The following CLTCL1 variants were observed in gnomAD, a reference collection of about 807,000 sequenced individuals.
CLTCL1 encodes the protein clathrin heavy chain 2.
CLTCL1 carries 159 observed loss-of-function variants against 190.0 expected under a neutral mutation model. The ratio of observed to expected loss-of-function variants is 0.84; its 90% CI spans 0.74 to 0.95. The LOEUF (loss-of-function observed/expected upper bound fraction) is 0.95. Ranked by LOEUF, CLTCL1 falls within the 40% of genes least tolerant of loss-of-function variation. CLTCL1 has a pLI of 0.00. For missense variants in CLTCL1, 1,878 were observed against 2,033.4 expected, an observed-to-expected ratio of 0.92 and a Z score of 1.47; for synonymous variants, 752 against 769.6, an observed-to-expected ratio of 0.98 and a Z score of 0.38.
intron 21 of CLTCL1, 92 bp downstream of exon 21, chr22:19,208,830 G>A (rs989172245): frequency 1.1e-5 from 12 of 1,055,116 alleles, no homozygotes; most frequent in Admixed American, 2.7e-5. Context: ...TACATCATAC[G>A]TAGAGATTTG....
At chr22:19,273,677 TCA>T (rs1569248405) in intron 2 of CLTCL1, among the ~76,000 whole-genome samples, 1 of 152,188 alleles carries the variant, frequency 6.6e-6, no homozygotes, top group African/African-American at 2.4e-5. Context: ...AGCTTTAATC[TCA>T]CTCTAGTCTT....
At chr22:19,260,574 G>A (rs1393834082) in intron 2 of CLTCL1, among the ~76,000 whole-genome samples, 4 of 148,344 alleles carry the variant, frequency 2.7e-5, no homozygotes, top group South Asian at 2.1e-4. Context: ...TCAGGAGTTC[G>A]AGATCAGCCT....
rs566582609 is a variant in CLTCL1 at position 19,258,581 on chromosome 22, G to C, written c.251-4354C>G. 3 of 608,278 alleles carry C rather than the reference G, an allele frequency of 4.9e-6. No homozygotes were observed. In the African/African-American group the frequency reaches 5.5e-5, roughly 11 times the overall value. The allele number at this position is 608,278 out of a possible 1,614,324, so 37.7% of individuals were successfully genotyped here. A position where few individuals can be genotyped will look rare whatever the true frequency, so the allele number is the denominator to read the frequency against. On this transcript the variant is annotated intron_variant, in intron 2 of 32. Transcript: ENST00000427926. Reference sequence around the variant, plus strand: ...CGGAGCTGGCACAGACCTGGGCAGAGGGACAGCGCCAGGCCCAGGAGTACG... The same window carrying C: ...CGGAGCTGGCACAGACCTGGGCAGACGGACAGCGCCAGGCCCAGGAGTACG...
Position 19,238,966 on chromosome 22 carries a change from C to T in CLTCL1, c.795+309G>A, listed in dbSNP as rs1173381658. On this transcript the variant is annotated intron_variant, in intron 5 of 32. Coordinates refer to ENST00000427926, the MANE Select transcript of CLTCL1 (RefSeq NM_007098.4). ...CGTCACCTACATTAGGTATTTTATT[C>T]TTTAAATATTCTCATACCACAGTGA... Among the ~76,000 whole-genome samples the T allele has an allele frequency of 5.9e-5, 9 of 152,126 alleles. No homozygotes were observed. The East Asian group carries it at 1.5e-3, about 26-fold the overall frequency.
intron 2 of CLTCL1, among the ~76,000 whole-genome samples, chr22:19,271,350 TAGTG>T (rs554948901): frequency 2.6e-4 from 39 of 152,104 alleles, no homozygotes; most frequent in Non-Finnish European, 4.9e-4. Context: ...GTTCTGGTGA[TAGTG>T]AGTGAGTTCT....
At chr22:19,241,591 G>A (rs562803011) in intron 4 of CLTCL1, among the ~76,000 whole-genome samples, 3 of 152,314 alleles carry the variant, frequency 2.0e-5, no homozygotes, top group Admixed American at 6.5e-5. Flanking sequence ...ATATTTCGGG[G>A]CTAACGAACA....
At chr22:19,220,107 T>A (rs1398899728) in intron 17 of CLTCL1, 100 bp from the exon 18 acceptor site, 1 of 1,478,532 alleles carries the variant, frequency 6.8e-7, no homozygotes, top group African/African-American at 1.4e-5. Flanking sequence ...TGATACTGGT[T>A]TGGTGGACAG....
intron 7 of CLTCL1, 104 bp from the exon 8 acceptor site, chr22:19,233,726 C>G (rs572338023): frequency 4.0e-6 from 4 of 998,518 alleles, no homozygotes; most frequent in Non-Finnish European, 6.0e-6. Flanking sequence ...GGAAATTCCA[C>G]ACTGCTCTGT....
chr22:19,230,582 TG>T (rs1569200674), intron 10 of CLTCL1, among the ~76,000 whole-genome samples: 1 of 152,172 alleles, frequency 6.6e-6, no homozygotes, highest in Admixed American at 6.5e-5. Context: ...ACGTAATTTA[TG>T]GTCATTAATT....
intron 2 of CLTCL1, among the ~76,000 whole-genome samples, chr22:19,268,586 T>C (rs1192607499): frequency 6.6e-6 from 1 of 152,080 alleles, no homozygotes; most frequent in Non-Finnish European, 1.5e-5. Context: ...TTAATAATCA[T>C]ATTTAAAAAT....
Position 19,291,503 on chromosome 22 carries a change from G to A in CLTCL1, c.42+97C>T, listed in dbSNP as rs1041222070. 6 of 1,131,968 alleles carry A rather than the reference G, an allele frequency of 5.3e-6. No individual in the cohort carries two copies. The Admixed American group carries it at 2.2e-4, about 41-fold the overall frequency. The allele number at this position is 1,131,968 out of a possible 1,614,324, so 70.1% of individuals were successfully genotyped here. On this transcript the variant is annotated intron_variant, in intron 1 of 32. Transcript: ENST00000427926. ...GGAAATCGGCGCGGCCAGCTGGGCAGCGGCTCAGCGGGGCTGGGGGCGCGG... is the reference window on the plus strand; with the variant it reads ...GGAAATCGGCGCGGCCAGCTGGGCAACGGCTCAGCGGGGCTGGGGGCGCGG...
At chr22:19,286,928 C>T (rs1241133405) in intron 1 of CLTCL1, among the ~76,000 whole-genome samples, 1 of 152,224 alleles carries the variant, frequency 6.6e-6, no homozygotes, top group Non-Finnish European at 1.5e-5. Flanking sequence ...AAGGTCTCTA[C>T]ACCTGTTTCA....
intron 3 of CLTCL1, among the ~76,000 whole-genome samples, chr22:19,246,099 A>G (rs1555967807): frequency 6.6e-6 from 1 of 152,098 alleles, no homozygotes; most frequent in African/African-American, 2.4e-5. Context: ...TCCCTCTGTC[A>G]TTTAGGCTGG....
intron 1 of CLTCL1, among the ~76,000 whole-genome samples, chr22:19,278,163 C>G (rs1555984470): frequency 6.6e-6 from 1 of 152,316 alleles, no homozygotes; most frequent in Non-Finnish European, 1.5e-5. Flanking sequence ...CGACATCTAT[C>G]TACACATCAG....
At chr22:19,187,058 A>G (rs1270572284) in intron 29 of CLTCL1, among the ~76,000 whole-genome samples, 1 of 151,476 alleles carries the variant, frequency 6.6e-6, no homozygotes, top group Non-Finnish European at 1.5e-5. Flanking sequence ...CAGCCTCCCG[A>G]GTGGCTGGTA....
chr22:19,221,711 TCA>T, intron 16 of CLTCL1, 100 bp from the exon 17 acceptor site: 2 of 1,138,798 alleles, frequency 1.8e-6, no homozygotes, highest in South Asian at 3.1e-5. Flanking sequence ...ACAAAAAATC[TCA>T]GAGTCCATTG....
intron 14 of CLTCL1, 79 bp from the exon 15 acceptor site, chr22:19,222,888 G>T: frequency 6.6e-7 from 1 of 1,515,958 alleles, no homozygotes; most frequent in Non-Finnish European, 8.9e-7. Context: ...GCACACATGG[G>T]ACGGCTCTGT....
chr22:19,195,953 G>C (rs1555935187), intron 26 of CLTCL1, among the ~76,000 whole-genome samples: 1 of 152,216 alleles, frequency 6.6e-6, no homozygotes, highest in African/African-American at 2.4e-5. Context: ...ACTGAGGCCT[G>C]GCCACAAGGG....
Position 19,221,454 on chromosome 22 carries a change from G to T in CLTCL1, c.2719C>A (p.Arg907Ser). Residue 907 changes from arginine (R) to serine (S), a missense_variant, in exon 17 of 33, where the codon CGC becomes AGC. Coordinates refer to ENST00000427926, the MANE Select transcript of CLTCL1 (RefSeq NM_007098.4). Reference protein sequence around the residue: ...NAYYDSSVVGRYCEKRDPHLA... With the variant: ...NAYYDSSVVGSYCEKRDPHLA... Reference sequence around the variant, plus strand: ...TGGGGGTCTCGCTTCTCACAGTAGCGGCCCACCACGCTGCTGTCATAGTAG... The same window carrying T: ...TGGGGGTCTCGCTTCTCACAGTAGCTGCCCACCACGCTGCTGTCATAGTAG... 6.3e-7 allele frequency: 1 copy of T among 1,579,856 alleles called. No individual in the cohort carries two copies. The highest frequency in any genetic ancestry group is 8.6e-7 in the Non-Finnish European group (1 of 1,162,518).
Sources: gnomAD v4.1 joint callset for allele counts (sites outside exome capture counted in the v4.1 genomes callset) on GRCh38, gnomAD v4.1.1 for gene constraint, MANE v1.5 for transcripts, NCBI Gene and HGNC (gene_info 2026-07-23, HGNC 2026-07-21) for gene names.